The following KCNB2 variants were observed in gnomAD, a reference collection of about 807,000 sequenced individuals.
KCNB2 encodes the protein delayed rectifier potassium channel protein.
KCNB2 carries 15 observed loss-of-function variants against 61.5 expected under a neutral mutation model. That is an observed-to-expected ratio of 0.24 (90% CI 0.16 to 0.38). The LOEUF is 0.38. KCNB2 is among the 10% of genes least tolerant of loss of function. The pLI is 1.00. For synonymous variants in KCNB2, 457 were observed against 446.0 expected, an observed-to-expected ratio of 1.02 and a Z score of -0.31; for missense variants, 828 against 1,125.2, an observed-to-expected ratio of 0.74 and a Z score of 3.78.
intron 2 of KCNB2, among the ~76,000 whole-genome samples, chr8:72,857,888 C>T (rs56236033): frequency 0.028 from 4,257 of 152,172 alleles, 204 homozygotes; most frequent in African/African-American, 0.094. Flanking sequence ...AACTTTCCCA[C>T]GATTATTTCT....
At chr8:72,675,342 A>G (rs1380411199) in intron 2 of KCNB2, among the ~76,000 whole-genome samples, 1 of 152,166 alleles carries the variant, frequency 6.6e-6, no homozygotes, top group Non-Finnish European at 1.5e-5. Flanking sequence ...GCAATAAGAA[A>G]AATTCTGTGC....
chr8:72,851,845 A>AAAAAAAAAAAAAAAAAAAC (rs1563404693), intron 2 of KCNB2, among the ~76,000 whole-genome samples: 7 of 147,914 alleles, frequency 4.7e-5, no homozygotes, highest in African/African-American at 1.5e-4. Flanking sequence ...AAAAAAAAAA[A>AAAAAAAAAAAAAAAAAAAC]AAACACGTAC....
intron 2 of KCNB2, among the ~76,000 whole-genome samples, chr8:72,681,892 A>G (rs983105787): frequency 2.6e-5 from 4 of 152,284 alleles, no homozygotes; most frequent in African/African-American, 9.6e-5. Flanking sequence ...AAGCTCTGTT[A>G]TGCACCACAT....
intron 2 of KCNB2, among the ~76,000 whole-genome samples, chr8:72,820,851 G>A (rs1018599335): frequency 1.3e-5 from 2 of 151,984 alleles, no homozygotes; most frequent in East Asian, 3.9e-4. Context: ...ATTTCCATAA[G>A]TTCACTGGTT....
chr8:72,935,106 C>T (rs1806872698), intron 2 of KCNB2, among the ~76,000 whole-genome samples: 1 of 152,066 alleles, frequency 6.6e-6, no homozygotes, highest in Admixed American at 6.5e-5. Context: ...AAATAACTTG[C>T]CCAAGGTCAC....
intron 2 of KCNB2, among the ~76,000 whole-genome samples, chr8:72,599,533 G>A (rs1276959100): frequency 6.6e-6 from 1 of 152,128 alleles, no homozygotes; most frequent in Non-Finnish European, 1.5e-5. Context: ...CAGGACATAG[G>A]CATGGGCAAG....
chr8:72,557,902 C>G (rs1423498837), intron 1 of KCNB2, among the ~76,000 whole-genome samples: 1 of 152,112 alleles, frequency 6.6e-6, no homozygotes, highest in East Asian at 1.9e-4. Flanking sequence ...TAACACAGGC[C>G]TTGTTAAAGT....
chr8:72,906,870 T>C (rs1463445415), intron 2 of KCNB2, among the ~76,000 whole-genome samples: 1 of 152,198 alleles, frequency 6.6e-6, no homozygotes, highest in East Asian at 1.9e-4. Flanking sequence ...CCTCATATTC[T>C]AACCTTAGGT....
intron 2 of KCNB2, among the ~76,000 whole-genome samples, chr8:72,700,687 A>G (rs1807106185): frequency 6.6e-6 from 1 of 152,174 alleles, no homozygotes. Context: ...AGATTTCTCA[A>G]AGTACTTAAA....
At chr8:72,667,193 G>A (rs552711208) in intron 2 of KCNB2, among the ~76,000 whole-genome samples, 1 of 152,198 alleles carries the variant, frequency 6.6e-6, no homozygotes, top group Non-Finnish European at 1.5e-5. Context: ...CTCATGGAAA[G>A]CAGATAATAC....
chr8:72,851,277 G>A (rs1810102478), intron 2 of KCNB2, among the ~76,000 whole-genome samples: 1 of 11,740 alleles, frequency 8.5e-5, no homozygotes, highest in Admixed American at 9.5e-4. Flanking sequence ...TGAGGCCTGG[G>A]AACAACTGGG....
intron 2 of KCNB2, among the ~76,000 whole-genome samples, chr8:72,601,119 T>G (rs73686085): frequency 0.033 from 5,016 of 152,286 alleles, 307 homozygotes; most frequent in African/African-American, 0.12. Flanking sequence ...CATTATTTTT[T>G]ATATGTTTTA....
intron 2 of KCNB2, among the ~76,000 whole-genome samples, chr8:72,927,362 C>T (rs183452898): frequency 6.6e-4 from 101 of 152,174 alleles, no homozygotes; most frequent in Non-Finnish European, 1.1e-3. Context: ...CCTGCACCTC[C>T]CAGGTTCAAG....
chr8:72,704,500 G>GGTGTGT (rs10524175), intron 2 of KCNB2, among the ~76,000 whole-genome samples: 8,081 of 147,562 alleles, frequency 0.055, 399 homozygotes, highest in East Asian at 0.29. Flanking sequence ...AGAGAAAGCT[G>GGTGTGT]GTGTGTGTGT....
chr8:72,800,134 G>C (rs1224042030), intron 2 of KCNB2, among the ~76,000 whole-genome samples: 1 of 152,088 alleles, frequency 6.6e-6, no homozygotes, highest in African/African-American at 2.4e-5. Context: ...ATAGAAGCAG[G>C]CATTTATCTA....
chr8:72,581,667 A>T (rs1182767587), intron 2 of KCNB2, among the ~76,000 whole-genome samples: 1 of 152,154 alleles, frequency 6.6e-6, no homozygotes, highest in Non-Finnish European at 1.5e-5. Flanking sequence ...CCTGGTTTTA[A>T]ATGGTTGTAC....
intron 2 of KCNB2, among the ~76,000 whole-genome samples, chr8:72,755,430 T>A (rs972274229): frequency 6.6e-6 from 1 of 152,244 alleles, no homozygotes; most frequent in African/African-American, 2.4e-5. Flanking sequence ...GAAGACATGA[T>A]GTAGGGGGAC....
intron 2 of KCNB2, among the ~76,000 whole-genome samples, chr8:72,925,815 C>T (rs112346868): frequency 0.05 from 7,562 of 152,176 alleles, 595 homozygotes; most frequent in African/African-American, 0.17. Context: ...CAGCACTATT[C>T]ACAGTAGCAA....
At chr8:72,601,329 T>A (rs1343992769) in intron 2 of KCNB2, among the ~76,000 whole-genome samples, 1 of 152,192 alleles carries the variant, frequency 6.6e-6, no homozygotes, top group Non-Finnish European at 1.5e-5. Context: ...AAGTTGTTAA[T>A]GTACATTCCA....
Sources: gnomAD v4.1 joint callset for allele counts (sites outside exome capture counted in the v4.1 genomes callset) on GRCh38, gnomAD v4.1.1 for gene constraint, MANE v1.5 for transcripts, NCBI Gene and HGNC (gene_info 2026-07-23, HGNC 2026-07-21) for gene names.